Variants in ZNF385B observed in about 807,000 individuals in gnomAD.
ZNF385B encodes zinc finger protein 533.
Under a neutral mutation model 39.2 loss-of-function variants are expected in ZNF385B, and 23 were observed. The ratio of observed to expected loss-of-function variants is 0.59; its 90% confidence interval spans 0.42 to 0.83. The LOEUF is 0.83. ZNF385B is among the 40% of genes least tolerant of loss of function. ZNF385B has a pLI of 0.00. For missense variants in ZNF385B, 552 were observed against 598.9 expected (o/e 0.92, Z 0.82); for synonymous variants, 205 against 222.6 (o/e 0.92, Z 0.70).
At chr2:179,858,114 A>G (rs111824436) in intron 1 of ZNF385B, among the ~76,000 whole-genome samples, 3,135 of 152,294 alleles carry the variant, frequency 0.021, 95 homozygotes, top group African/African-American at 0.072. Flanking sequence ...GACAGCCTCT[A>G]GAAACAGATA....
chr2:179,495,102 G>A (rs1264946598), intron 5 of ZNF385B, among the ~76,000 whole-genome samples: 4 of 152,028 alleles, frequency 2.6e-5, no homozygotes, highest in South Asian at 2.1e-4. Flanking sequence ...ATAGCATTTC[G>A]GGACCTGCCT....
chr2:179,712,254 T>A (rs1700053520), intron 3 of ZNF385B, among the ~76,000 whole-genome samples: 1 of 152,206 alleles, frequency 6.6e-6, no homozygotes, highest in Admixed American at 6.5e-5. Context: ...TCTTCAAAAT[T>A]TCATAGTAAA....
intron 4 of ZNF385B, among the ~76,000 whole-genome samples, chr2:179,535,531 A>C (rs957502923): frequency 2.0e-4 from 30 of 152,134 alleles, no homozygotes; most frequent in Non-Finnish European, 5.9e-5. Context: ...CAATCTTCTG[A>C]TTTGCAAAAA....
chr2:179,631,549 C>A (rs1172512135), intron 3 of ZNF385B, among the ~76,000 whole-genome samples: 3 of 152,294 alleles, frequency 2.0e-5, no homozygotes, highest in Non-Finnish European at 4.4e-5. Context: ...ACAACTGGTA[C>A]CAGCCACTGC....
intron 5 of ZNF385B, among the ~76,000 whole-genome samples, chr2:179,500,995 TCAA>T (rs1430960099): frequency 1.3e-5 from 2 of 152,170 alleles, no homozygotes; most frequent in African/African-American, 4.8e-5. Context: ...GAAAAGGTGT[TCAA>T]CATCATTGAT....
chr2:179,557,762 G>A (rs890817374), intron 3 of ZNF385B, among the ~76,000 whole-genome samples: 3 of 151,646 alleles, frequency 2.0e-5, no homozygotes, highest in African/African-American at 7.3e-5. Context: ...ACATGTATAG[G>A]TTTATATAAT....
At chr2:179,698,721 T>G (rs1698951354) in intron 3 of ZNF385B, among the ~76,000 whole-genome samples, 1 of 152,164 alleles carries the variant, frequency 6.6e-6, no homozygotes, top group Admixed American at 6.5e-5. Context: ...AGAAATTCAA[T>G]CTAATACAAC....
At chr2:179,594,625 C>G (rs1687843681) in intron 3 of ZNF385B, among the ~76,000 whole-genome samples, 1 of 151,972 alleles carries the variant, frequency 6.6e-6, no homozygotes, top group African/African-American at 2.4e-5. Flanking sequence ...TGCTGTAAGC[C>G]CATTATATGC....
At chr2:179,605,876 A>G (rs555094201) in intron 3 of ZNF385B, among the ~76,000 whole-genome samples, 2 of 152,246 alleles carry the variant, frequency 1.3e-5, no homozygotes, top group East Asian at 1.9e-4. Flanking sequence ...GAGAAAGCCA[A>G]CTTTCCTTCC....
chr2:179,512,593 C>T (rs562023780), intron 5 of ZNF385B, among the ~76,000 whole-genome samples: 1 of 152,270 alleles, frequency 6.6e-6, no homozygotes, highest in East Asian at 1.9e-4. Context: ...TTAGGCTTAT[C>T]AATTTATGAC....
rs1480598737 is a variant in ZNF385B, at chr2:179,780,833, CTG to C, written c.-154-10163_-154-10162del. On this transcript the variant is annotated intron_variant, in intron 1 of 9. Transcript: ENST00000410066. ...TAGGATAACTTATTCCCAAAGACAA[CTG>C]TTTTCTTAGGCAATAAATTTATATT... Among the ~76,000 whole-genome samples the C allele has an allele frequency of 3.9e-5, 6 of 152,162 alleles. No homozygotes were observed. In the South Asian group the frequency reaches 1.2e-3, roughly 31 times the overall value.
chr2:179,750,141 G>A (rs759326990), intron 3 of ZNF385B, among the ~76,000 whole-genome samples: 1 of 152,102 alleles, frequency 6.6e-6, no homozygotes, highest in Non-Finnish European at 1.5e-5. Flanking sequence ...GTCAGGTATA[G>A]TTTTAGATTT....
At chr2:179,582,474 G>A (rs1287456305) in intron 3 of ZNF385B, among the ~76,000 whole-genome samples, 2 of 152,114 alleles carry the variant, frequency 1.3e-5, no homozygotes, top group Non-Finnish European at 2.9e-5. Context: ...AATACACTGA[G>A]CATGCACGAT....
intron 3 of ZNF385B, among the ~76,000 whole-genome samples, chr2:179,707,932 C>T (rs1029273069): frequency 6.6e-6 from 1 of 152,226 alleles, no homozygotes; most frequent in Non-Finnish European, 1.5e-5. Context: ...GCCCACTACC[C>T]CTTCTGCAGA....
Position 179,483,566 on chromosome 2 carries a change from T to C in ZNF385B, c.553-132A>G, listed in dbSNP as rs1220700559. 5.0e-6 allele frequency: 6 copies of C among 1,207,136 alleles called. No individual in the cohort carries two copies. In the East Asian group the frequency reaches 1.5e-4, roughly 30 times the overall value. The allele number at this position is 1,207,136 out of a possible 1,614,324, so 74.8% of individuals were successfully genotyped here. On this transcript the variant is annotated intron_variant, in intron 5 of 9. Coordinates refer to ENST00000410066, the MANE Select transcript of ZNF385B (RefSeq NM_152520.6). ...ACAACTCAGTACCTGACTATGTTTT[T>C]GGCACTTCATGAAATGGTAGACCAG...
intron 1 of ZNF385B, among the ~76,000 whole-genome samples, chr2:179,835,724 C>T (rs1258773076): frequency 6.6e-6 from 1 of 151,962 alleles, no homozygotes; most frequent in Non-Finnish European, 1.5e-5. Flanking sequence ...TCTCTGTGCC[C>T]TGTGCTTGGG....
intron 3 of ZNF385B, among the ~76,000 whole-genome samples, chr2:179,546,464 G>C (rs1269417107): frequency 6.6e-6 from 1 of 152,118 alleles, no homozygotes; most frequent in African/African-American, 2.4e-5. Flanking sequence ...AAATAAGTGG[G>C]AACATGTGAA....
intron 1 of ZNF385B, among the ~76,000 whole-genome samples, chr2:179,807,956 A>C (rs1442177556): frequency 6.6e-6 from 1 of 151,932 alleles, no homozygotes; most frequent in Non-Finnish European, 1.5e-5. Context: ...GAAGGAAAGA[A>C]TACAGCAGGC....
chr2:179,722,708 CA>C (rs1185657210), intron 3 of ZNF385B, among the ~76,000 whole-genome samples: 1 of 151,702 alleles, frequency 6.6e-6, no homozygotes, highest in Admixed American at 6.6e-5. Context: ...TTCATAAAAG[CA>C]ATAAAAATAC....
Sources: gnomAD v4.1 joint callset for allele counts (sites outside exome capture counted in the v4.1 genomes callset) on GRCh38, gnomAD v4.1.1 for gene constraint, MANE v1.5 for transcripts, NCBI Gene and HGNC (gene_info 2026-07-23, HGNC 2026-07-21) for gene names.